The following MRGPRE variants were observed in gnomAD, a reference collection of about 807,000 sequenced individuals.
The protein encoded by MRGPRE is MAS related GPR family member E.
For missense variants in MRGPRE, 466 were observed against 433.4 expected, an observed-to-expected ratio of 1.08 and a Z score of -0.67; for synonymous variants, 229 against 206.7, an observed-to-expected ratio of 1.11 and a Z score of -0.92.
Position 3,228,747 on chromosome 11 carries a change from T to C in MRGPRE, c.53A>G (p.Gln18Arg). ...GATGAGGTTGAAGGCCACATCCTCC[T>C]GGGCGCCGTTGGCGGCCCCCACGTG... ...GQHVGAANGA[Q>R]EDVAFNLIIL... The change falls in exon 2 of 2, where the codon CAG becomes CGG. Residue 18 changes from glutamine (Q) to arginine (R), a missense_variant. By Grantham distance (43) the Gln-to-Arg change is conservative. Transcript: ENST00000389832. 1 of 1,613,144 alleles carries C rather than the reference T, an allele frequency of 6.2e-7. No homozygotes were observed. Among genetic ancestry groups the C allele is most frequent in the Non-Finnish European group, 8.5e-7 (1 of 1,179,618 alleles).
In MRGPRE at chr11:3,227,687, T is replaced by A. The variant is rs1847777294; in HGVS notation, c.*174A>T. 4 of 522,214 alleles carry A rather than the reference T, an allele frequency of 7.7e-6. No homozygotes were observed. Among genetic ancestry groups the A allele is most frequent in the South Asian group, 5.1e-5 (1 of 19,780 alleles). 32.3% of individuals were successfully genotyped at this position (522,214 alleles called of 1,614,324 possible). A position where few individuals can be genotyped will look rare whatever the true frequency, so the allele number is the denominator to read the frequency against. ...TAGAGACCTTGCCTTTCCAGCTGCC[T>A]CCCAGGGGAGCCTCATGCTCCAGAC... is the stretch of plus-strand genomic sequence containing the variant. On this transcript the variant is annotated 3_prime_UTR_variant, in exon 2 of 2. Coordinates refer to ENST00000389832, the MANE Select transcript of MRGPRE (RefSeq NM_001039165.4).
At position 3,227,906 on chromosome 11, in the gene MRGPRE, G is replaced by A. The variant is rs561025507; in HGVS notation, c.894C>T (p.Ala298=). Residue 298 remains alanine (A), a synonymous_variant, in exon 2 of 2, where the codon GCC becomes GCT. Coordinates refer to ENST00000389832, the MANE Select transcript of MRGPRE (RefSeq NM_001039165.4). ...RALGDEAELG[A]VRETSRRGLV... The stretch of plus-strand genomic sequence containing the variant: ...GGCCCCGGCGGGAGGTCTCCCTGAC[G>A]GCCCCCAGCTCAGCCTCGTCTCCCA... 30 of 1,476,584 alleles carry A rather than the reference G, an allele frequency of 2.0e-5. No individual in the cohort carries two copies. Among genetic ancestry groups the A allele is most frequent in the South Asian group, 4.1e-5 (3 of 72,566 alleles). The allele number at this position is 1,476,584 out of a possible 1,614,324, so 91.5% of individuals were successfully genotyped here.
chr11:3,232,024 T>G (rs1847837884), intron 1 of MRGPRE, 117 bp downstream of exon 1: 2 of 152,436 alleles, frequency 1.3e-5, no homozygotes. Context: ...TGATAGCATC[T>G]GCTGTTGCCC....
rs1047217421 is a variant in MRGPRE at position 3,229,256 on chromosome 11, G to A, written c.-61-396C>T. On this transcript the variant is annotated intron_variant, in intron 1 of 1. Coordinates refer to ENST00000389832, the MANE Select transcript of MRGPRE (RefSeq NM_001039165.4). This position sits in a 1 kb window ranked among gnomAD's most constrained non-coding sequence, Gnocchi z 4.4. ...TTTTTTTTTTTGGAGATGGAGTCTGGCTCTGTTGCCCCAGGCTAGAGTGCA... is the reference window on the plus strand; with the variant it reads ...TTTTTTTTTTTGGAGATGGAGTCTGACTCTGTTGCCCCAGGCTAGAGTGCA... Among the ~76,000 whole-genome samples the A allele has an allele frequency of 2.2e-5, 3 of 139,452 alleles. No individual in the cohort carries two copies. Among genetic ancestry groups the A allele is most frequent in the Non-Finnish European group, 4.5e-5 (3 of 66,620 alleles). The allele number at this position is 139,452 out of a possible 152,430, so 91.5% of individuals were successfully genotyped here. A position where few individuals can be genotyped will look rare whatever the true frequency, so the allele number is the denominator to read the frequency against.
chr11:3,231,908 C>A lies in MRGPRE; in HGVS notation c.-62+233G>T, dbSNP rs1225137401. Among the ~76,000 whole-genome samples, 1 of 152,050 alleles carries A rather than the reference C, an allele frequency of 6.6e-6. No homozygotes were observed. The highest frequency in any genetic ancestry group is 1.5e-5 in the Non-Finnish European group (1 of 67,968). On this transcript the variant is annotated intron_variant, in intron 1 of 1. Coordinates refer to ENST00000389832, the MANE Select transcript of MRGPRE (RefSeq NM_001039165.4). This position sits in a 1 kb window ranked among gnomAD's most constrained non-coding sequence, Gnocchi z 4.7. ...CACCGGGGGTGGGGGGTTGGGGAGC[C>A]ATCACCCAAGCTATCGTCCTCTTCC...
At position 3,225,889 on chromosome 11, in the gene MRGPRE, T is replaced by G. The variant is rs1260697506; in HGVS notation, c.*1972A>C. On this transcript the variant is annotated 3_prime_UTR_variant, in exon 2 of 2. Coordinates refer to ENST00000389832, the MANE Select transcript of MRGPRE (RefSeq NM_001039165.4). ...TGAGAGCAGGCTCTCTGGGAAGAAG[T>G]GAGCATTCTAAGGGTCCGCAATCTC... is the stretch of plus-strand genomic sequence containing the variant. 6.6e-6 allele frequency among the ~76,000 whole-genome samples: 1 copy of G among 152,062 alleles called. No individual in the cohort carries two copies. The highest frequency in any genetic ancestry group is 1.5e-5 in the Non-Finnish European group (1 of 68,000).
chr11:3,230,435 C>T lies in MRGPRE; in HGVS notation c.-61-1575G>A, dbSNP rs1353342499. On this transcript the variant is annotated intron_variant, in intron 1 of 1. Coordinates refer to ENST00000389832, the MANE Select transcript of MRGPRE (RefSeq NM_001039165.4). The surrounding 1 kb of genome is among the most constrained non-coding windows in gnomAD (Gnocchi z 5.5). ...CTGTCTCCCTCCAGTGATAGGAGCACCCGAGACCATGCAGGGGGACGCTGC... is the reference window on the plus strand; with the variant it reads ...CTGTCTCCCTCCAGTGATAGGAGCATCCGAGACCATGCAGGGGGACGCTGC... Among the ~76,000 whole-genome samples, 1 of 152,190 alleles carries T rather than the reference C, an allele frequency of 6.6e-6. No homozygotes were observed. Among genetic ancestry groups the T allele is most frequent in the Non-Finnish European group, 1.5e-5 (1 of 68,024 alleles).
chr11:3,230,913 C>T lies in MRGPRE; in HGVS notation c.-62+1228G>A, dbSNP rs1847822121. Among the ~76,000 whole-genome samples the T allele has an allele frequency of 1.3e-5, 2 of 151,136 alleles. No homozygotes were observed. The highest frequency in any genetic ancestry group is 4.2e-4 in the South Asian group (2 of 4,770). On this transcript the variant is annotated intron_variant, in intron 1 of 1. Transcript: ENST00000389832. This position sits in a 1 kb window ranked among gnomAD's most constrained non-coding sequence, Gnocchi z 5.5. ...GGCAGACGGGGCATCACTGCCATGG[C>T]AGGTGGGGAGATGTGGGGAGGGGGA...
In MRGPRE at chr11:3,231,185, C is replaced by T. The variant is rs1158811864; in HGVS notation, c.-62+956G>A. ...CATGGTCCCTCTCCTATCTCACCTC[C>T]TGCATGGCTGAGGAGGACACGGGCC... On this transcript the variant is annotated intron_variant, in intron 1 of 1. Coordinates refer to ENST00000389832, the MANE Select transcript of MRGPRE (RefSeq NM_001039165.4). The surrounding 1 kb of genome is among the most constrained non-coding windows in gnomAD (Gnocchi z 4.7). 2.0e-5 allele frequency among the ~76,000 whole-genome samples: 3 copies of T among 152,082 alleles called. No individual in the cohort carries two copies. Among genetic ancestry groups the T allele is most frequent in the African/African-American group, 7.2e-5 (3 of 41,414 alleles).
In MRGPRE at chr11:3,228,622, T is replaced by C. The variant is rs187488196; in HGVS notation, c.178A>G (p.Ile60Val). The C allele has an allele frequency of 8.7e-5, 140 of 1,614,012 alleles. No individual in the cohort carries two copies. The African/African-American group carries it at 1.7e-3, about 20-fold the overall frequency. The part of the protein sequence containing the change: ...SSNVYRNPFA[I>V]YLLDVACADL... ...GCGCAGGCCACGTCCAGGAGGTAGA[T>C]GGCGAAGGGGTTTCTGTAGACATTG... is the stretch of plus-strand genomic sequence containing the variant. The change falls in exon 2 of 2, where the codon ATC becomes GTC. Residue 60 changes from isoleucine (I) to valine (V), a missense_variant. Physicochemically the swap from Ile to Val is conservative, Grantham distance 29. Coordinates refer to ENST00000389832, the MANE Select transcript of MRGPRE (RefSeq NM_001039165.4).
In MRGPRE at chr11:3,225,256, C is replaced by T. The variant is rs564213554; in HGVS notation, c.*2605G>A. Reference sequence around the variant, plus strand: ...CCACAGCCTCCCTGGGCCCTGAGGACGGAGCGGGTTACACAGGCTCCCTGG... The same window carrying T: ...CCACAGCCTCCCTGGGCCCTGAGGATGGAGCGGGTTACACAGGCTCCCTGG... On this transcript the variant is annotated 3_prime_UTR_variant, in exon 2 of 2. Transcript: ENST00000389832. Among the ~76,000 whole-genome samples the T allele has an allele frequency of 1.2e-4, 19 of 152,372 alleles. No individual in the cohort carries two copies. The highest frequency in any genetic ancestry group is 3.9e-4 in the East Asian group (2 of 5,182).
chr11:3,228,678 C>T lies in MRGPRE; in HGVS notation c.122G>A (p.Gly41Glu), dbSNP rs1158094724. Residue 41 changes from glycine (G) to glutamate (E), a missense_variant, in exon 2 of 2, where the codon GGG becomes GAG. By Grantham distance (98) the Gly-to-Glu change is moderately conservative (BLOSUM62 -2). Coordinates refer to ENST00000389832, the MANE Select transcript of MRGPRE (RefSeq NM_001039165.4). ...GAGCAGCCAGAGGACTGCCCCATTCCCCAGCAGCCCACCGAGGCCGAGCCC... is the reference window on the plus strand; with the variant it reads ...GAGCAGCCAGAGGACTGCCCCATTCTCCAGCAGCCCACCGAGGCCGAGCCC... The part of the protein sequence containing the change: ...TEGLGLGGLL[G>E]NGAVLWLLSS... 32 of 1,613,978 alleles carry T rather than the reference C, an allele frequency of 2.0e-5. No homozygotes were observed. The highest frequency in any genetic ancestry group is 2.7e-5 in the Non-Finnish European group (32 of 1,179,984).
chr11:3,231,113 C>G lies in MRGPRE; in HGVS notation c.-62+1028G>C, dbSNP rs550276011. On this transcript the variant is annotated intron_variant, in intron 1 of 1. Coordinates refer to ENST00000389832, the MANE Select transcript of MRGPRE (RefSeq NM_001039165.4). The surrounding 1 kb of genome is among the most constrained non-coding windows in gnomAD (Gnocchi z 4.7). Reference sequence around the variant, plus strand: ...CCGGGATCTACCAGCAAGCTCCAGCCCCAAAGCAACAGGTGGGGTTTCTCC... The same window carrying G: ...CCGGGATCTACCAGCAAGCTCCAGCGCCAAAGCAACAGGTGGGGTTTCTCC... Among the ~76,000 whole-genome samples the G allele has an allele frequency of 3.3e-5, 5 of 152,222 alleles. No individual in the cohort carries two copies. Among genetic ancestry groups the G allele is most frequent in the Middle Eastern group, 3.4e-3 (1 of 294 alleles).
rs760652199 is a variant in MRGPRE, at chr11:3,229,829, G to A, written c.-61-969C>T. Among the ~76,000 whole-genome samples the A allele has an allele frequency of 2.0e-4, 30 of 152,180 alleles. No individual in the cohort carries two copies. The highest frequency in any genetic ancestry group is 3.7e-4 in the Non-Finnish European group (25 of 68,024). ...ATGAGGAGGCTGCATCCTGCTCAACGTTGCCCGCCCTTTCCCCATGGGGAG... is the reference window on the plus strand; with the variant it reads ...ATGAGGAGGCTGCATCCTGCTCAACATTGCCCGCCCTTTCCCCATGGGGAG... On this transcript the variant is annotated intron_variant, in intron 1 of 1. Coordinates refer to ENST00000389832, the MANE Select transcript of MRGPRE (RefSeq NM_001039165.4). This position sits in a 1 kb window ranked among gnomAD's most constrained non-coding sequence, Gnocchi z 4.4.
rs139403822 is a variant in MRGPRE, at chr11:3,228,553, C to T, written c.247G>A (p.Asp83Asn). The change falls in exon 2 of 2, where the codon GAC (aspartate) becomes AAC (asparagine). Residue 83 changes from aspartate (D) to asparagine (N), a missense_variant. Asp to Asn is a conservative substitution (Grantham distance 23). Transcript: ENST00000389832. ...AAGTCCAGCCGGCCTTGCAGCAAGT[C>T]GGGGACGATGGCCACCATGTGGCAG... ...LGCHMVAIVP[D>N]LLQGRLDFPG... The T allele has an allele frequency of 5.3e-5, 86 of 1,613,660 alleles. No individual in the cohort carries two copies. The highest frequency in any genetic ancestry group is 6.5e-5 in the Non-Finnish European group (77 of 1,179,792).
At position 3,228,335 on chromosome 11, in the gene MRGPRE, G is replaced by T. The variant is rs750634354; in HGVS notation, c.465C>A (p.His155Gln). 5.1e-6 allele frequency: 8 copies of T among 1,566,202 alleles called. No homozygotes were observed. In the South Asian group the frequency reaches 9.3e-5, roughly 18 times the overall value. ...GGGTGCAGGCGCCGCTGAGCAGCAG[G>T]TGCAGCAGCAGGCAGAGGGCCCAGG... ...ALTWALCLLL[H>Q]LLLSGACTQF... Residue 155 changes from histidine to glutamine, a missense_variant, in exon 2 of 2, where the codon CAC becomes CAA. His to Gln is a conservative substitution (Grantham distance 24, BLOSUM62 0). Coordinates refer to ENST00000389832, the MANE Select transcript of MRGPRE (RefSeq NM_001039165.4).
In MRGPRE at chr11:3,228,680, C is replaced by T. The variant is rs1361794600; in HGVS notation, c.120G>A (p.Leu40=). The T allele has an allele frequency of 6.2e-7, 1 of 1,614,010 alleles. No individual in the cohort carries two copies. The highest frequency in any genetic ancestry group is 1.7e-5 in the Admixed American group (1 of 60,022). ...LTEGLGLGGL[L]GNGAVLWLLS... ...GCAGCCAGAGGACTGCCCCATTCCC[C>T]AGCAGCCCACCGAGGCCGAGCCCCT... The change falls in exon 2 of 2, where the codon CTG becomes CTA. Residue 40 remains leucine, a synonymous_variant. Transcript: ENST00000389832.
In MRGPRE at chr11:3,225,533, G is replaced by A. The variant is rs575301992; in HGVS notation, c.*2328C>T. ...GGGGCAGAAGAGGAGGTGCAGCGGGGGAGGTCAGAGGAGGCGCAGGCTGGG... is the reference window on the plus strand; with the variant it reads ...GGGGCAGAAGAGGAGGTGCAGCGGGAGAGGTCAGAGGAGGCGCAGGCTGGG... On this transcript the variant is annotated 3_prime_UTR_variant, in exon 2 of 2. Coordinates refer to ENST00000389832, the MANE Select transcript of MRGPRE (RefSeq NM_001039165.4). Among the ~76,000 whole-genome samples, 1,044 of 152,302 alleles carry A rather than the reference G, an allele frequency of 6.9e-3. 11 individuals carry two copies. Among genetic ancestry groups the A allele is most frequent in the African/African-American group, 0.024 (993 of 41,576 alleles).
chr11:3,228,572 G>C lies in MRGPRE; in HGVS notation c.228C>G (p.His76Gln). ...ACADLIFLGC[H>Q]MVAIVPDLLQ... ...GCAAGTCGGGGACGATGGCCACCATGTGGCAGCCAAGGAAGATGAGATCCG... is the reference window on the plus strand; with the variant it reads ...GCAAGTCGGGGACGATGGCCACCATCTGGCAGCCAAGGAAGATGAGATCCG... Residue 76 changes from histidine (H) to glutamine (Q), a missense_variant, in exon 2 of 2, where the codon CAC (histidine) becomes CAG (glutamine). Physicochemically the swap from His to Gln is conservative, Grantham distance 24. Transcript: ENST00000389832. 6.2e-7 allele frequency: 1 copy of C among 1,613,644 alleles called. No individual in the cohort carries two copies. The highest frequency in any genetic ancestry group is 1.1e-5 in the South Asian group (1 of 91,078).
Sources: gnomAD v4.1 joint callset for allele counts (sites outside exome capture counted in the v4.1 genomes callset) on GRCh38, gnomAD v4.1.1 for gene constraint, Gnocchi (gnomAD v3.1) non-coding constraint, MANE v1.5 for transcripts, NCBI Gene and HGNC (gene_info 2026-07-23, HGNC 2026-07-21) for gene names.